Variants in BTBD19 observed in about 807,000 individuals in gnomAD.
The protein encoded by BTBD19 is BTB domain containing 19.
BTBD19 carries 20 observed loss-of-function variants against 36.1 expected under a neutral mutation model. The observed-to-expected ratio is 0.55, with a 90% CI of 0.39 to 0.80. The LOEUF is 0.80. BTBD19 is among the 30% of genes least tolerant of loss of function. The pLI is 0.00. For synonymous variants in BTBD19, 157 were observed against 174.3 expected, an observed-to-expected ratio of 0.90 and a Z score of 0.78; for missense variants, 325 against 389.8, an observed-to-expected ratio of 0.83 and a Z score of 1.40.
At position 44,810,811 on chromosome 1, in the gene BTBD19, G is replaced by A. The variant is rs747576606; in HGVS notation, c.354+204G>A. ...CATGCCTGCCCTGTGTGTGCTGTGG[G>A]AAGAGGGGGTGATTATGGCTGGTGC... On this transcript the variant is annotated intron_variant, in intron 3 of 7. Transcript: ENST00000450269. The surrounding 1 kb of genome is among the most constrained non-coding windows in gnomAD (Gnocchi z 4.2). The A allele has an allele frequency of 1.4e-4, 56 of 394,928 alleles. No homozygotes were observed. Among genetic ancestry groups the A allele is most frequent in the Non-Finnish European group, 2.4e-4 (50 of 204,540 alleles). 24.5% of individuals were successfully genotyped at this position (394,928 alleles called of 1,614,324 possible).
exon 1 of BTBD19, chr1:44,808,796 C>T (rs1652254507): frequency 2.0e-6 from 3 of 1,515,654 alleles, no homozygotes; most frequent in Non-Finnish European, 2.7e-6. Flanking sequence ...CAGGCTCCCT[C>T]CTCCACCCCA....
Position 44,810,369 on chromosome 1 carries a change from CT to C in BTBD19, c.245del (p.Phe82SerfsTer24). Reference sequence around the variant, plus strand: ...TGCTAAGCACTGTGCCAACTGAGGCCTTCCTGGCAGTGCTGGAGTTCCTATA... The same window carrying C: ...TGCTAAGCACTGTGCCAACTGAGGCCTCCTGGCAGTGCTGGAGTTCCTATA... On this transcript the variant is annotated frameshift_variant, in exon 2 of 8. Transcript: ENST00000450269. LOFTEE classifies it high-confidence loss of function. The surrounding 1 kb of genome is among the most constrained non-coding windows in gnomAD (Gnocchi z 4.2). The C allele has an allele frequency of 6.4e-7, 1 of 1,551,726 alleles. No individual in the cohort carries two copies. Among genetic ancestry groups the C allele is most frequent in the South Asian group, 1.2e-5 (1 of 84,062 alleles).
At chr1:44,808,882 G>A in exon 1 of BTBD19, 1 of 1,550,400 alleles carries the variant, frequency 6.4e-7, no homozygotes, top group Non-Finnish European at 8.7e-7. Context: ...GCACTCCGAA[G>A]CCTTGTCAAC....
In BTBD19 at chr1:44,813,440, C is replaced by G. The variant is rs1652529617; in HGVS notation, c.682C>G (p.Leu228Val). ...GGTGAAAGAGCTGAGACTAGCCTTG[C>G]TGGCCCCGGCGGAGCTGAGCGCCCT... The change falls in exon 7 of 8, where the codon CTG becomes GTG. Residue 228 changes from leucine to valine, a missense_variant. Coordinates refer to ENST00000450269, the Ensembl canonical transcript of BTBD19. The surrounding 1 kb of genome is among the most constrained non-coding windows in gnomAD (Gnocchi z 7.8). 2 of 1,544,452 alleles carry G rather than the reference C, an allele frequency of 1.3e-6. No homozygotes were observed. Among genetic ancestry groups the G allele is most frequent in the African/African-American group, 3.0e-5 (2 of 67,670 alleles).
At position 44,813,773 on chromosome 1, in the gene BTBD19, T is replaced by G; in HGVS notation, c.*1T>G. ...CTTTCTGGACCTGTCCTTCAAATGA[T>G]CCAACGCCGGGACTCGCAGGGAGCC... On this transcript the variant is annotated 3_prime_UTR_variant, in exon 8 of 8. Coordinates refer to ENST00000450269, the Ensembl canonical transcript of BTBD19. This position sits in a 1 kb window ranked among gnomAD's most constrained non-coding sequence, Gnocchi z 7.8. 6.4e-7 allele frequency: 1 copy of G among 1,551,246 alleles called. No homozygotes were observed. The highest frequency in any genetic ancestry group is 8.7e-7 in the Non-Finnish European group (1 of 1,146,790).
chr1:44,813,010 T>G lies in BTBD19; in HGVS notation c.429T>G (p.Phe143Leu). ...TCTGCTCGCAGGTGGCCGTAACCTT[T>G]GGCCTGGGGCAGCTGCAGGAGCGCT... The change falls in exon 5 of 8, where the codon TTT becomes TTG. Residue 143 changes from phenylalanine (F) to leucine (L), a missense_variant. Coordinates refer to ENST00000450269, the Ensembl canonical transcript of BTBD19. The surrounding 1 kb of genome is among the most constrained non-coding windows in gnomAD (Gnocchi z 7.8). 6.4e-7 allele frequency: 1 copy of G among 1,551,270 alleles called. No homozygotes were observed. Among genetic ancestry groups the G allele is most frequent in the East Asian group, 2.4e-5 (1 of 40,910 alleles).
downstream of BTBD19, chr1:44,814,190 C>CTTTCTT (rs1553163543): frequency 2.4e-3 from 278 of 117,844 alleles, 2 homozygotes; most frequent in African/African-American, 4.4e-3. Flanking sequence ...TTCTTTCTTT[C>CTTTCTT]TTTCTTTCTT....
At position 44,810,565 on chromosome 1, in the gene BTBD19, G is replaced by A. The variant is rs369764765; in HGVS notation, c.312G>A (p.Val104=). The A allele has an allele frequency of 7.1e-6, 11 of 1,550,210 alleles. No individual in the cohort carries two copies. The highest frequency in any genetic ancestry group is 9.6e-6 in the Non-Finnish European group (11 of 1,146,602). The change falls in exon 3 of 8, where the codon GTG becomes GTA. Residue 104 remains valine (V), a synonymous_variant. Coordinates refer to ENST00000450269, the Ensembl canonical transcript of BTBD19. This position sits in a 1 kb window ranked among gnomAD's most constrained non-coding sequence, Gnocchi z 4.2. ...CACCCACTCTACAGGTGCTGGAAGT[G>A]CTGACAGCGGCTGTGGAGTATGGGC... is the stretch of plus-strand genomic sequence containing the variant.
Position 44,813,219 on chromosome 1 carries a change from G to A in BTBD19, c.565G>A (p.Asp189Asn). The change falls in exon 6 of 8, where the codon GAC (aspartate) becomes AAC (asparagine). Residue 189 changes from aspartate (D) to asparagine (N), a missense_variant. Physicochemically the swap from Asp to Asn is conservative, Grantham distance 23 (BLOSUM62 1). Coordinates refer to ENST00000450269, the Ensembl canonical transcript of BTBD19. This position sits in a 1 kb window ranked among gnomAD's most constrained non-coding sequence, Gnocchi z 7.8. ...GCTCCGCAGCGACAAGCTCTGCGTGGACGAGGCTGAACTGGTCCGCGCGGC... is the reference window on the plus strand; with the variant it reads ...GCTCCGCAGCGACAAGCTCTGCGTGAACGAGGCTGAACTGGTCCGCGCGGC... 6.5e-7 allele frequency: 1 copy of A among 1,543,912 alleles called. No homozygotes were observed. The highest frequency in any genetic ancestry group is 1.4e-5 in the African/African-American group (1 of 73,106).
In BTBD19 at chr1:44,813,849, G is replaced by A; in HGVS notation, c.*77G>A. On this transcript the variant is annotated 3_prime_UTR_variant, in exon 8 of 8. Transcript: ENST00000450269. The surrounding 1 kb of genome is among the most constrained non-coding windows in gnomAD (Gnocchi z 7.8). ...CCAAACTACAGCTCCCGAAGTGCTC[G>A]GCGTTCGGAGCGGGCTTCCGTTCCC... is the stretch of plus-strand genomic sequence containing the variant. 1 of 1,532,608 alleles carries A rather than the reference G, an allele frequency of 6.5e-7. No individual in the cohort carries two copies. Among genetic ancestry groups the A allele is most frequent in the Non-Finnish European group, 8.8e-7 (1 of 1,132,174 alleles). 94.9% of individuals were successfully genotyped at this position (1,532,608 alleles called of 1,614,324 possible). A position where few individuals can be genotyped will look rare whatever the true frequency, so the allele number is the denominator to read the frequency against.
At position 44,813,835 on chromosome 1, in the gene BTBD19, CT is replaced by C. The variant is rs1652556771; in HGVS notation, c.*64del. 3.9e-6 allele frequency: 6 copies of C among 1,543,094 alleles called. No individual in the cohort carries two copies. The Admixed American group carries it at 1.2e-4, about 30-fold the overall frequency. On this transcript the variant is annotated 3_prime_UTR_variant, in exon 8 of 8. Coordinates refer to ENST00000450269, the Ensembl canonical transcript of BTBD19. This position sits in a 1 kb window ranked among gnomAD's most constrained non-coding sequence, Gnocchi z 7.8. ...CAGCTGAGCCTGCCCCAAACTACAG[CT>C]CCCGAAGTGCTCGGCGTTCGGAGCG...
Position 44,813,463 on chromosome 1 carries a change from C to T in BTBD19, c.705C>T (p.Ala235=), listed in dbSNP as rs1259926542. ...TGCTGGCCCCGGCGGAGCTGAGCGCCCTGGAAGAGCAGAACCGGCAGGAAC... is the reference window on the plus strand; with the variant it reads ...TGCTGGCCCCGGCGGAGCTGAGCGCTCTGGAAGAGCAGAACCGGCAGGAAC... The change falls in exon 7 of 8, where the codon GCC becomes GCT. Residue 235 remains alanine (A), a synonymous_variant. Coordinates refer to ENST00000450269, the Ensembl canonical transcript of BTBD19. The surrounding 1 kb of genome is among the most constrained non-coding windows in gnomAD (Gnocchi z 7.8). The T allele has an allele frequency of 2.6e-6, 4 of 1,546,714 alleles. No homozygotes were observed. Among genetic ancestry groups the T allele is most frequent in the African/African-American group, 1.4e-5 (1 of 69,206 alleles).
chr1:44,808,540 C>A (rs1376900626), exon 1 of BTBD19: 1 of 309,292 alleles, frequency 3.2e-6, no homozygotes, highest in Non-Finnish European at 5.9e-6. Context: ...CTTTCGCCGC[C>A]GCCGCCGCCG....
downstream of BTBD19, chr1:44,814,180 TTCTTTC>T (rs1381750293): frequency 3.5e-5 from 5 of 143,256 alleles, no homozygotes; most frequent in African/African-American, 1.4e-4. Context: ...CTTTCTTTCT[TTCTTTC>T]TTTCTTTCTT....
chr1:44,809,053 A>G, intron 1 of BTBD19, 147 bp downstream of exon 1: 1 of 624,192 alleles, frequency 1.6e-6, no homozygotes, highest in Non-Finnish European at 2.6e-6. Flanking sequence ...CAAATGTGGA[A>G]CATGGCTACT....
intron 1 of BTBD19, 48 bp downstream of exon 1, chr1:44,808,954 GC>G: frequency 7.0e-7 from 1 of 1,436,742 alleles, no homozygotes; most frequent in Admixed American, 2.4e-5. Context: ...GGCTCTGTGG[GC>G]CCCAGGACTC....
chr1:44,812,860 G>C, intron 4 of BTBD19, 136 bp from the exon 5 acceptor site: 1 of 656,926 alleles, frequency 1.5e-6, no homozygotes, highest in Non-Finnish European at 2.5e-6. Flanking sequence ...ATTGGGTCTA[G>C]TTTCCTGGAG....
Position 44,813,311 on chromosome 1 carries a change from C to A in BTBD19, c.615+42C>A. The A allele has an allele frequency of 1.3e-6, 2 of 1,538,236 alleles. No individual in the cohort carries two copies. Among genetic ancestry groups the A allele is most frequent in the Non-Finnish European group, 1.7e-6 (2 of 1,145,364 alleles). On this transcript the variant is annotated intron_variant, in intron 6 of 7. Coordinates refer to ENST00000450269, the Ensembl canonical transcript of BTBD19. This position sits in a 1 kb window ranked among gnomAD's most constrained non-coding sequence, Gnocchi z 7.8. ...GAGCGCAAGGGCACGGAAGGAGGTG[C>A]TGGCCACGAGACTGGTGAGCGGGCG... is the stretch of plus-strand genomic sequence containing the variant.
In BTBD19 at chr1:44,812,155, C is replaced by G. The variant is rs997072893; in HGVS notation, c.414+57C>G. ...CTGGCTCTGTGTGTGGAAATGGGCTCCCAGCACCTGGGAGCCTGGGCCTGC... is the reference window on the plus strand; with the variant it reads ...CTGGCTCTGTGTGTGGAAATGGGCTGCCAGCACCTGGGAGCCTGGGCCTGC... On this transcript the variant is annotated intron_variant, in intron 4 of 7. Coordinates refer to ENST00000450269, the Ensembl canonical transcript of BTBD19. The G allele has an allele frequency of 2.4e-6, 3 of 1,228,428 alleles. No homozygotes were observed. The African/African-American group carries it at 4.7e-5, about 19-fold the overall frequency. The allele number at this position is 1,228,428 out of a possible 1,614,324, so 76.1% of individuals were successfully genotyped here.
Sources: gnomAD v4.1 joint callset for allele counts on GRCh38, gnomAD v4.1.1 for gene constraint, Gnocchi (gnomAD v3.1) non-coding constraint, MANE v1.5 for transcripts, NCBI Gene and HGNC (gene_info 2026-07-23, HGNC 2026-07-21) for gene names.